Variants in UBE2K observed in about 807,000 individuals in gnomAD.
UBE2K encodes ubiquitin-conjugating enzyme E2 K.
In UBE2K, 6 loss-of-function variants were observed where a neutral mutation model predicts 30.0. The observed-to-expected ratio is 0.20, with a 90% CI of 0.11 to 0.39. The LOEUF is 0.39. Among genes scored for constraint, UBE2K ranks in the 10% least tolerant of loss-of-function variants. The pLI is 1.00. For missense variants in UBE2K, 61 were observed against 241.6 expected, an observed-to-expected ratio of 0.25 and a Z score of 4.96; for synonymous variants, 86 against 83.7, an observed-to-expected ratio of 1.03 and a Z score of -0.15.
intron 3 of UBE2K, among the ~76,000 whole-genome samples, chr4:39,751,844 G>A (rs576998119): frequency 5.9e-5 from 9 of 152,172 alleles, no homozygotes; most frequent in African/African-American, 9.6e-5. Context: ...GCGCACACAC[G>A]TAGTCCCAGC....
chr4:39,732,758 C>G (rs763722098), intron 1 of UBE2K, among the ~76,000 whole-genome samples: 1 of 147,904 alleles, frequency 6.8e-6, no homozygotes. Flanking sequence ...TCACTGCAAC[C>G]TCTGCCTCCC....
intron 4 of UBE2K, among the ~76,000 whole-genome samples, chr4:39,760,821 G>A (rs1394037378): frequency 6.6e-6 from 1 of 152,064 alleles, no homozygotes; most frequent in Non-Finnish European, 1.5e-5. Flanking sequence ...AAAAAAATAC[G>A]ATAGTGGTGA....
intron 1 of UBE2K, among the ~76,000 whole-genome samples, chr4:39,734,788 G>A (rs547955059): frequency 1.6e-4 from 25 of 152,320 alleles, no homozygotes; most frequent in South Asian, 4.1e-4. Flanking sequence ...TCCAGCCAGG[G>A]TGATGGGAGT....
At chr4:39,747,197 A>C (rs13435632) in intron 3 of UBE2K, among the ~76,000 whole-genome samples, 2 of 152,188 alleles carry the variant, frequency 1.3e-5, no homozygotes, top group Admixed American at 1.3e-4. Flanking sequence ...ATTGTGATAA[A>C]ATATGCATGA....
intron 4 of UBE2K, among the ~76,000 whole-genome samples, chr4:39,756,163 G>A (rs997962824): frequency 2.6e-5 from 4 of 152,208 alleles, no homozygotes; most frequent in Non-Finnish European, 4.4e-5. Context: ...TTCTAACAAG[G>A]AGCACCTTTG....
intron 1 of UBE2K, among the ~76,000 whole-genome samples, chr4:39,718,015 A>G (rs1719193767): frequency 1.3e-5 from 2 of 152,050 alleles, no homozygotes; most frequent in South Asian, 4.1e-4. Context: ...GAGCAGTAGC[A>G]AGATTTATTG....
intron 1 of UBE2K, among the ~76,000 whole-genome samples, chr4:39,727,463 G>A (rs1043239730): frequency 1.3e-5 from 2 of 152,126 alleles, no homozygotes; most frequent in African/African-American, 2.4e-5. Flanking sequence ...CTGGGCTCAG[G>A]TGATTTTCCC....
At chr4:39,721,812 G>A (rs1719433547) in intron 1 of UBE2K, among the ~76,000 whole-genome samples, 1 of 152,024 alleles carries the variant, frequency 6.6e-6, no homozygotes, top group Non-Finnish European at 1.5e-5. Flanking sequence ...CTTTTGGTTG[G>A]GCATGGTGGC....
intron 1 of UBE2K, among the ~76,000 whole-genome samples, chr4:39,711,975 A>G (rs1199795226): frequency 2.6e-5 from 4 of 151,422 alleles, no homozygotes; most frequent in Non-Finnish European, 5.9e-5. Context: ...GGGGAGGCAG[A>G]GGTTGCATTA....
rs1312184358 is a variant in UBE2K at position 39,710,734 on chromosome 4, G to A, written c.63+12344G>A. Among the ~76,000 whole-genome samples, 4 of 152,170 alleles carry A rather than the reference G, an allele frequency of 2.6e-5. No homozygotes were observed. In the East Asian group the frequency reaches 7.7e-4, roughly 29 times the overall value. On this transcript the variant is annotated intron_variant, in intron 1 of 6. Transcript: ENST00000261427. Reference sequence around the variant, plus strand: ...GGTCTGTGCGTCCAAAATATTGGTGGTTATGGTAGAAAGAGTTATACTCAT... The same window carrying A: ...GGTCTGTGCGTCCAAAATATTGGTGATTATGGTAGAAAGAGTTATACTCAT...
At chr4:39,770,055 G>A (rs1712667965) in intron 4 of UBE2K, 1 of 1,510,114 alleles carries the variant, frequency 6.6e-7, no homozygotes, top group Non-Finnish European at 8.8e-7. Flanking sequence ...AGGGACCCCA[G>A]CCTCCGGGCC....
intron 4 of UBE2K, among the ~76,000 whole-genome samples, chr4:39,763,830 T>C (rs564255781): frequency 6.6e-6 from 1 of 152,176 alleles, no homozygotes; most frequent in Middle Eastern, 3.4e-3. Flanking sequence ...GCCTCAACCT[T>C]CCAGGCTCAA....
intron 1 of UBE2K, among the ~76,000 whole-genome samples, chr4:39,730,315 G>T (rs1719998874): frequency 6.6e-6 from 1 of 152,096 alleles, no homozygotes. Flanking sequence ...TTCCTGAATA[G>T]CTGGGATTAC....
intron 3 of UBE2K, among the ~76,000 whole-genome samples, chr4:39,752,335 CTTTT>C (rs57289268): frequency 1.6e-5 from 1 of 64,096 alleles, no homozygotes. Context: ...CTTTTTTTTT[CTTTT>C]TTTTTTTTTT....
At chr4:39,770,112 C>G (rs1712680021) in intron 4 of UBE2K, 1 of 1,580,874 alleles carries the variant, frequency 6.3e-7, no homozygotes, top group South Asian at 1.1e-5. Flanking sequence ...CTCGGCCACA[C>G]TGGTCTCCAG....
chr4:39,725,458 T>C (rs957421793), intron 1 of UBE2K, among the ~76,000 whole-genome samples: 1 of 151,714 alleles, frequency 6.6e-6, no homozygotes, highest in African/African-American at 2.4e-5. Context: ...TTAGTGAATC[T>C]GTGTACCTGG....
chr4:39,776,223 C>G (rs1713275618), intron 5 of UBE2K, among the ~76,000 whole-genome samples: 1 of 152,310 alleles, frequency 6.6e-6, no homozygotes, highest in Non-Finnish European at 1.5e-5. Flanking sequence ...GAGTTTTTCT[C>G]TGTGTCTCCT....
intron 4 of UBE2K, among the ~76,000 whole-genome samples, chr4:39,767,480 C>T (rs1325467306): frequency 5.3e-5 from 8 of 152,026 alleles, no homozygotes; most frequent in South Asian, 4.2e-4. Flanking sequence ...CCTGCCACCA[C>T]GCCCGGCTAA....
At chr4:39,728,231 C>T (rs1272250222) in intron 1 of UBE2K, among the ~76,000 whole-genome samples, 1 of 152,148 alleles carries the variant, frequency 6.6e-6, no homozygotes, top group Non-Finnish European at 1.5e-5. Context: ...TTTGTTGCCT[C>T]AGCTTCCTTA....
Sources: allele counts gnomAD v4.1 joint callset (sites outside exome capture counted in the v4.1 genomes callset), GRCh38; gene constraint gnomAD v4.1.1; transcripts MANE v1.5; gene names NCBI Gene and HGNC (gene_info 2026-07-23, HGNC 2026-07-21).